The following DNAH1 variants were observed in gnomAD, a reference collection of about 807,000 sequenced individuals.
DNAH1 encodes the protein dynein axonemal heavy chain 1.
Under a neutral mutation model 484.3 loss-of-function variants are expected in DNAH1, and 327 were observed. That is an observed-to-expected ratio of 0.68 (90% CI 0.62 to 0.74). The LOEUF (loss-of-function observed/expected upper bound fraction) is 0.74. Ranked by LOEUF, DNAH1 falls within the 30% of genes least tolerant of loss-of-function variation. The pLI is 0.00. For synonymous variants in DNAH1, 2,192 were observed against 2,191.9 expected (o/e 1.00, Z 0.00); for missense variants, 5,052 against 5,546.8 (o/e 0.91, Z 2.83).
intron 50 of DNAH1, 83 bp downstream of exon 50, chr3:52,382,538 T>C: frequency 6.4e-7 from 1 of 1,568,268 alleles, no homozygotes; most frequent in Non-Finnish European, 8.6e-7. Context: ...AGGTGGCCAG[T>C]CCTTCATGCC....
At position 52,347,926 on chromosome 3, in the gene DNAH1, C is replaced by G; in HGVS notation, c.2058C>G (p.Leu686=). ...AGTTTGAGGCATCTCTGCTGAACCT[C>G]TTCGACAAGGGCATCCTGGCCACCC... ...LEQFEASLLN[L]FDKGILATHA... is the part of the protein sequence containing the mutation. The change falls in exon 12 of 78, where the codon CTC becomes CTG. Residue 686 remains leucine (L), a synonymous_variant. Transcript: ENST00000420323. 1.2e-6 allele frequency: 2 copies of G among 1,610,916 alleles called. No homozygotes were observed. Among genetic ancestry groups the G allele is most frequent in the Non-Finnish European group, 1.7e-6 (2 of 1,178,612 alleles).
Position 52,385,340 on chromosome 3 carries a change from C to T in DNAH1, c.8518C>T (p.Leu2840=), listed in dbSNP as rs201329380. 3.1e-5 allele frequency: 48 copies of T among 1,552,116 alleles called. No individual in the cohort carries two copies. In the Admixed American group the frequency reaches 6.7e-4, roughly 22 times the overall value. ...NRMKSGLDKL[L]RTSEDVAKMQ... is the part of the protein sequence containing the mutation. ...CTGTCTCTGCCCTGACCCCTAGCTG[C>T]TGCGCACTTCTGAGGATGTAGCCAA... The change falls in exon 54 of 78, where the codon CTG becomes TTG. Residue 2840 remains leucine, a synonymous_variant. Transcript: ENST00000420323.
chr3:52,349,481 G>A (rs776395839), intron 14 of DNAH1, 61 bp downstream of exon 14: 62 of 1,483,848 alleles, frequency 4.2e-5, no homozygotes, highest in Non-Finnish European at 5.4e-5. Context: ...CAGCACACAC[G>A]GACCCTCACA....
Position 52,350,498 on chromosome 3 carries a change from G to A in DNAH1, c.2647-10G>A, listed in dbSNP as rs747854506. On this transcript the variant is annotated splice_polypyrimidine_tract_variant and intron_variant, in intron 15 of 77. Transcript: ENST00000420323. ...ACACGTGAAGTTCTCATTACCACCT[G>A]TCTGTGCAGGAGCGGATTGTGAAGG... The A allele has an allele frequency of 6.2e-7, 1 of 1,613,572 alleles. No individual in the cohort carries two copies. The highest frequency in any genetic ancestry group is 2.2e-5 in the East Asian group (1 of 44,882).
At chr3:52,363,241 C>G in intron 32 of DNAH1, 97 bp downstream of exon 32, 1 of 1,489,936 alleles carries the variant, frequency 6.7e-7, no homozygotes, top group Non-Finnish European at 9.1e-7. Flanking sequence ...ATGCCCGGTG[C>G]TTTACAGGCA....
intron 8 of DNAH1, among the ~76,000 whole-genome samples, chr3:52,334,849 T>C (rs1254385097): frequency 6.6e-6 from 1 of 151,710 alleles, no homozygotes; most frequent in African/African-American, 2.4e-5. Flanking sequence ...CTTTTCTTTC[T>C]TTCTGTTTTT....
At position 52,372,951 on chromosome 3, in the gene DNAH1, G is replaced by A; in HGVS notation, c.6883G>A (p.Asp2295Asn). Residue 2295 changes from aspartate to asparagine, a missense_variant, in exon 44 of 78, where the codon GAC becomes AAC. Asp to Asn is a conservative substitution (Grantham distance 23). Coordinates refer to ENST00000420323, the MANE Select transcript of DNAH1 (RefSeq NM_015512.5). ...LGRNFIFFID[D>N]LNMPALETYG... ...GCGCAACTTTATCTTCTTCATCGAT[G>A]ACCTGAACATGCCGGCCCTGGAGAC... The A allele has an allele frequency of 6.2e-7, 1 of 1,613,812 alleles. No homozygotes were observed. The highest frequency in any genetic ancestry group is 1.7e-5 in the Admixed American group (1 of 60,020).
Position 52,362,534 on chromosome 3 carries a change from C to A in DNAH1, c.5094+33C>A. The A allele has an allele frequency of 1.3e-6, 2 of 1,582,354 alleles. No homozygotes were observed. Among genetic ancestry groups the A allele is most frequent in the Non-Finnish European group, 8.6e-7 (1 of 1,157,578 alleles). Reference sequence around the variant, plus strand: ...CAGGCCCAGAGTGGCCCAGGAAGCACCAGAGCTCTAGCCTGAGTTCAGAGA... The same window carrying A: ...CAGGCCCAGAGTGGCCCAGGAAGCAACAGAGCTCTAGCCTGAGTTCAGAGA... On this transcript the variant is annotated intron_variant, in intron 31 of 77. Coordinates refer to ENST00000420323, the MANE Select transcript of DNAH1 (RefSeq NM_015512.5). This position sits in a 1 kb window ranked among gnomAD's most constrained non-coding sequence, Gnocchi z 5.1.
chr3:52,393,212 T>C, intron 65 of DNAH1, 122 bp from the exon 66 acceptor site: 2 of 1,508,580 alleles, frequency 1.3e-6, no homozygotes, highest in Non-Finnish European at 1.8e-6. Flanking sequence ...GAACACCAAG[T>C]GCCCAAGAGG....
In DNAH1 at chr3:52,378,618, T is replaced by C. The variant is rs1703707255; in HGVS notation, c.7215T>C (p.Ile2405=). 1.9e-6 allele frequency: 3 copies of C among 1,613,378 alleles called. No individual in the cohort carries two copies. The highest frequency in any genetic ancestry group is 1.7e-4 in the Middle Eastern group (1 of 6,060). ...YRERVPGAPH[I]AHFTEPLVEA... The stretch of plus-strand genomic sequence containing the variant: ...TTCCCCCAGCTGGGGCCCCCCACAT[T>C]GCCCACTTCACGGAGCCCCTTGTGG... The change falls in exon 47 of 78, where the codon ATT becomes ATC. Residue 2405 remains isoleucine, a synonymous_variant. Transcript: ENST00000420323.
In DNAH1 at chr3:52,316,456, G is replaced by A. The variant is rs1700954295; in HGVS notation, c.-124G>A. The A allele has an allele frequency of 6.6e-6, 1 of 152,290 alleles. No homozygotes were observed. The highest frequency in any genetic ancestry group is 1.5e-5 in the Non-Finnish European group (1 of 68,114). The allele number at this position is 152,290 out of a possible 1,614,324, so 9.4% of individuals were successfully genotyped here. ...CACAGTCCTTTCTTCCTTCTGCAGT[G>A]ATCACTGAGTACCTGTGTGAATGCC... On this transcript the variant is annotated 5_prime_UTR_variant, in exon 1 of 78. Transcript: ENST00000420323.
chr3:52,385,102 T>A (rs1243825123), intron 53 of DNAH1, 125 bp downstream of exon 53: 4 of 1,224,998 alleles, frequency 3.3e-6, no homozygotes, highest in Non-Finnish European at 4.5e-6. Flanking sequence ...TTGAAGTGGG[T>A]GGCTTCCCCC....
rs1346222026 is a variant in DNAH1, at chr3:52,395,963, G to A, written c.11259+285G>A. The stretch of plus-strand genomic sequence containing the variant: ...CTTTTTTTTTTTTTTTTTTCAGACG[G>A]AGTCTCACTCTGTCACCGGGGCTGG... On this transcript the variant is annotated intron_variant, in intron 70 of 77. Coordinates refer to ENST00000420323, the MANE Select transcript of DNAH1 (RefSeq NM_015512.5). The surrounding 1 kb of genome is among the most constrained non-coding windows in gnomAD (Gnocchi z 4.4). Among the ~76,000 whole-genome samples the A allele has an allele frequency of 1.3e-5, 2 of 148,318 alleles. No individual in the cohort carries two copies. The highest frequency in any genetic ancestry group is 3.0e-5 in the Non-Finnish European group (2 of 67,278).
At chr3:52,319,475 G>C (rs1175674742) in intron 1 of DNAH1, among the ~76,000 whole-genome samples, 2 of 152,206 alleles carry the variant, frequency 1.3e-5, no homozygotes, top group Non-Finnish European at 2.9e-5. Context: ...GTTTAAATGA[G>C]ATGATGCATA....
Position 52,358,831 on chromosome 3 carries a change from T to C in DNAH1, c.4266+94T>C. On this transcript the variant is annotated intron_variant, in intron 25 of 77. Coordinates refer to ENST00000420323, the MANE Select transcript of DNAH1 (RefSeq NM_015512.5). The surrounding 1 kb of genome is among the most constrained non-coding windows in gnomAD (Gnocchi z 4.2). ...GCTCTAGCCGGCCTCGTCCTCAGGC[T>C]GCAGCCCTGAGGTCCCTGGGGGCTC... 6.7e-7 allele frequency: 1 copy of C among 1,494,698 alleles called. No individual in the cohort carries two copies. The highest frequency in any genetic ancestry group is 2.2e-5 in the Admixed American group (1 of 46,150). 92.6% of individuals were successfully genotyped at this position (1,494,698 alleles called of 1,614,324 possible). A position where few individuals can be genotyped will look rare whatever the true frequency, so the allele number is the denominator to read the frequency against.
At position 52,397,765 on chromosome 3, in the gene DNAH1, T is replaced by A. The variant is rs1457833306; in HGVS notation, c.11846T>A (p.Leu3949Gln). 6.2e-7 allele frequency: 1 copy of A among 1,613,834 alleles called. No homozygotes were observed. Among genetic ancestry groups the A allele is most frequent in the Non-Finnish European group, 8.5e-7 (1 of 1,179,772 alleles). ...PLNDMPEIFG[L>Q]HDNANITFAQ... ...AATGATATGCCTGAGATCTTTGGCC[T>A]GCATGACAATGCCAACATCACCTTT... Residue 3949 changes from leucine (L) to glutamine (Q), a missense_variant, in exon 74 of 78, where the codon CTG becomes CAG. Coordinates refer to ENST00000420323, the MANE Select transcript of DNAH1 (RefSeq NM_015512.5).
chr3:52,359,685 G>T (rs1279254635), intron 26 of DNAH1, among the ~76,000 whole-genome samples: 1 of 152,194 alleles, frequency 6.6e-6, no homozygotes, highest in Non-Finnish European at 1.5e-5. Context: ...CCCCCTCCCG[G>T]CTTTAAGGGT....
intron 45 of DNAH1, 85 bp from the exon 46 acceptor site, chr3:52,375,870 T>C: frequency 1.3e-6 from 2 of 1,497,890 alleles, no homozygotes; most frequent in Non-Finnish European, 1.8e-6. Context: ...CAAGATGCTG[T>C]TTCCCCCACC....
rs772077602 is a variant in DNAH1, at chr3:52,346,507, G to C, written c.1692G>C (p.Ser564=). 6.2e-7 allele frequency: 1 copy of C among 1,613,074 alleles called. No individual in the cohort carries two copies. Among genetic ancestry groups the C allele is most frequent in the East Asian group, 2.2e-5 (1 of 44,860 alleles). The change falls in exon 11 of 78, where the codon TCG becomes TCC. Residue 564 remains serine, a synonymous_variant. Transcript: ENST00000420323. ...TCCTCAAGGACAGCTGGATCAGCTC[G>C]CTAAAGGTGGCCATGCGCAGCAGCC... ...QMFLKDSWIS[S]LKVAMRSSLR... is the part of the protein sequence containing the mutation.
Sources: gnomAD v4.1 joint callset for allele counts (sites outside exome capture counted in the v4.1 genomes callset) on GRCh38, gnomAD v4.1.1 for gene constraint, Gnocchi (gnomAD v3.1) non-coding constraint, MANE v1.5 for transcripts, NCBI Gene and HGNC (gene_info 2026-07-23, HGNC 2026-07-21) for gene names.